MGST2: variants seen among roughly 807,000 people sequenced by gnomAD.
MGST2 encodes the protein glutathione peroxidase MGST2.
MGST2 carries 9 observed loss-of-function variants against 16.6 expected under a neutral mutation model. The ratio of observed to expected loss-of-function variants is 0.54; its 90% CI spans 0.33 to 0.95. The LOEUF is 0.95. Ranked by LOEUF, MGST2 falls within the 40% of genes least tolerant of loss-of-function variation. The probability of loss-of-function intolerance (pLI) is 0.03; values close to 1 mark genes in which losing one functional copy is unlikely to be tolerated. For missense variants in MGST2, 159 were observed against 175.1 expected (o/e 0.91, Z 0.52); for synonymous variants, 79 against 68.0 (o/e 1.16, Z -0.79).
At chr4:139,679,800 A>G (rs1358697401) in intron 2 of MGST2, among the ~76,000 whole-genome samples, 1 of 152,200 alleles carries the variant, frequency 6.6e-6, no homozygotes. Context: ...CTACATGATG[A>G]GAAGTCATTC....
At chr4:139,730,799 G>C in intron 5 of MGST2, 1 of 772,270 alleles carries the variant, frequency 1.3e-6, no homozygotes, top group Non-Finnish European at 2.1e-6. Flanking sequence ...TGAGTGGCAC[G>C]CATTGCATTT....
chr4:139,720,244 G>C, intron 5 of MGST2: 2 of 1,605,580 alleles, frequency 1.2e-6, no homozygotes, highest in Non-Finnish European at 1.7e-6. Context: ...TCATGCCTGC[G>C]TTCTGTGCCA....
downstream of MGST2, among the ~76,000 whole-genome samples, chr4:139,707,096 A>G (rs1370798899): frequency 6.6e-6 from 1 of 152,002 alleles, no homozygotes; most frequent in East Asian, 1.9e-4. Context: ...ACATGTGCAC[A>G]ATGTGCAGGT....
intron 1 of MGST2, among the ~76,000 whole-genome samples, chr4:139,670,261 G>T (rs8192022): frequency 0.49 from 60,555 of 124,128 alleles, 11,161 homozygotes; most frequent in East Asian, 0.72. Flanking sequence ...TGGGGGGCGG[G>T]GGGGGGGCGG....
chr4:139,745,132 A>T (rs1729279094), downstream of MGST2, among the ~76,000 whole-genome samples: 1 of 152,100 alleles, frequency 6.6e-6, no homozygotes, highest in African/African-American at 2.4e-5. Flanking sequence ...TTTGAGTGAG[A>T]AGAGAAGGAA....
Position 139,678,536 on chromosome 4 carries a change from C to T in MGST2, c.59-7C>T, listed in dbSNP as rs1194546952. The T allele has an allele frequency of 3.1e-6, 5 of 1,611,164 alleles. No homozygotes were observed. The highest frequency in any genetic ancestry group is 4.2e-6 in the Non-Finnish European group (5 of 1,177,516). On this transcript the variant is annotated splice_polypyrimidine_tract_variant and splice_region_variant and intron_variant, in intron 1 of 4. Transcript: ENST00000265498. Reference sequence around the variant, plus strand: ...ATCTTTAACGCAACATTTCCCTTTACTTGCAGGTTATTTTGCTTTGCAAGT... The same window carrying T: ...ATCTTTAACGCAACATTTCCCTTTATTTGCAGGTTATTTTGCTTTGCAAGT...
the MGST2 span, among the ~76,000 whole-genome samples, chr4:139,750,579 T>C: frequency 6.6e-6 from 1 of 152,186 alleles, no homozygotes; most frequent in East Asian, 1.9e-4. Flanking sequence ...ATGATGAAAC[T>C]CGACACACTG....
chr4:139,677,177 G>A (rs1179733693), intron 1 of MGST2, among the ~76,000 whole-genome samples: 1 of 152,076 alleles, frequency 6.6e-6, no homozygotes, highest in Admixed American at 6.6e-5. Context: ...ATATCTGATA[G>A]GTCTCAACCA....
intron 3 of MGST2, among the ~76,000 whole-genome samples, chr4:139,695,873 G>A (rs1726891780): frequency 6.6e-6 from 1 of 152,102 alleles, no homozygotes; most frequent in Non-Finnish European, 1.5e-5. Flanking sequence ...GGGTTGGGGT[G>A]CTGACCCCCC....
intron 1 of MGST2, among the ~76,000 whole-genome samples, chr4:139,668,631 GA>G (rs1327257892): frequency 2.7e-5 from 4 of 150,782 alleles, no homozygotes; most frequent in Non-Finnish European, 5.9e-5. Context: ...GGAGGGGGTA[GA>G]GGGGGAGAGG....
rs558357696 is a variant in MGST2 at position 139,679,185 on chromosome 4, C to G, written c.158+543C>G. The G allele has an allele frequency of 9.4e-5, 15 of 159,078 alleles. 1 individual carries two copies. The South Asian group carries it at 2.8e-3, about 29-fold the overall frequency. 9.9% of individuals were successfully genotyped at this position (159,078 alleles called of 1,614,324 possible). ...TTTCAGACCCACACAAAATGTTCCA[C>G]CATAAACACCGTGAACTTGCCTGCT... On this transcript the variant is annotated intron_variant, in intron 2 of 4. Transcript: ENST00000265498.
chr4:139,752,202 G>T, the MGST2 span, among the ~76,000 whole-genome samples: 3 of 152,128 alleles, frequency 2.0e-5, no homozygotes, highest in Admixed American at 1.3e-4. Flanking sequence ...TAAGGCTCAC[G>T]TTACGTACTA....
chr4:139,682,282 A>G (rs1731288454), intron 2 of MGST2, among the ~76,000 whole-genome samples: 3 of 151,444 alleles, frequency 2.0e-5, no homozygotes, highest in Non-Finnish European at 4.4e-5. Context: ...TAGCGTTGTA[A>G]GAGGGTATGG....
chr4:139,713,222 A>AC lies in MGST2; in HGVS notation c.*48+9032dup, dbSNP rs537304256. On this transcript the variant is annotated intron_variant, in intron 5 of 5. Coordinates refer to the MGST2 transcript ENST00000616265. ...CTCAAAATGCAAAGTAATTTCTGATACCCCCCAAACTCAAAACCATCAGAT... is the reference window on the plus strand; with the variant it reads ...CTCAAAATGCAAAGTAATTTCTGATACCCCCCCAAACTCAAAACCATCAGAT... Among the ~76,000 whole-genome samples, 54 of 152,222 alleles carry AC rather than the reference A, an allele frequency of 3.5e-4. No individual in the cohort carries two copies. In the East Asian group the frequency reaches 7.2e-3, roughly 20 times the overall value.
At chr4:139,749,533 A>C in the MGST2 span, among the ~76,000 whole-genome samples, 1 of 152,218 alleles carries the variant, frequency 6.6e-6, no homozygotes, top group Non-Finnish European at 1.5e-5. Flanking sequence ...TTGGCTTATG[A>C]GCTCTGGTAA....
intron 2 of MGST2, among the ~76,000 whole-genome samples, chr4:139,682,027 C>G (rs1731268284): frequency 6.6e-6 from 1 of 151,728 alleles, no homozygotes; most frequent in South Asian, 2.1e-4. Context: ...CCCCCTCTCT[C>G]TATTAAAAAA....
chr4:139,668,435 A>G (rs973683212), intron 1 of MGST2, among the ~76,000 whole-genome samples: 2 of 152,214 alleles, frequency 1.3e-5, no homozygotes, highest in African/African-American at 4.8e-5. Context: ...AAAATATGAC[A>G]AAGAAATATA....
chr4:139,666,155 A>G, intron 1 of MGST2, 78 bp downstream of exon 1: 3 of 1,409,394 alleles, frequency 2.1e-6, no homozygotes, highest in East Asian at 4.6e-5. Context: ...CGGGAGAGAG[A>G]GGGAGGGAGG....
At chr4:139,720,075 C>T (rs370944048) in intron 5 of MGST2, 8 of 1,613,966 alleles carry the variant, frequency 5.0e-6, no homozygotes, top group Non-Finnish European at 6.8e-6. Flanking sequence ...ATGCTCATGC[C>T]ACTTTGGTTT....
Sources: gnomAD v4.1 joint callset for allele counts (sites outside exome capture counted in the v4.1 genomes callset) on GRCh38, gnomAD v4.1.1 for gene constraint, MANE v1.5 for transcripts, NCBI Gene and HGNC (gene_info 2026-07-23, HGNC 2026-07-21) for gene names.